Variants in GPC5 observed in about 807,000 individuals in gnomAD.
GPC5 encodes glypican-5.
Under a neutral mutation model 53.9 loss-of-function variants are expected in GPC5, and 47 were observed. The observed-to-expected ratio is 0.87, with a 90% CI of 0.69 to 1.11. The LOEUF (loss-of-function observed/expected upper bound fraction) is 1.11. GPC5 is among the 50% of genes most tolerant of loss of function. GPC5 has a pLI of 0.00. For missense variants in GPC5, 748 were observed against 713.1 expected, an observed-to-expected ratio of 1.05 and a Z score of -0.56; for synonymous variants, 286 against 263.3, an observed-to-expected ratio of 1.09 and a Z score of -0.84.
chr13:91,476,248 C>T (rs983055319), intron 2 of GPC5, among the ~76,000 whole-genome samples: 4 of 152,136 alleles, frequency 2.6e-5, no homozygotes, highest in African/African-American at 9.7e-5. Flanking sequence ...TGCTAAATGT[C>T]CCCCCAGGGA....
intron 3 of GPC5, among the ~76,000 whole-genome samples, chr13:91,705,990 C>T (rs561534661): frequency 2.0e-4 from 30 of 150,428 alleles, no homozygotes; most frequent in African/African-American, 7.4e-4. Flanking sequence ...AAGCGATTCT[C>T]CTGCCTCAAC....
intron 7 of GPC5, among the ~76,000 whole-genome samples, chr13:92,474,006 G>A (rs1451279174): frequency 3.3e-5 from 5 of 152,152 alleles, no homozygotes; most frequent in African/African-American, 7.2e-5. Flanking sequence ...GCTGAGATTA[G>A]ATGTTGAGGT....
At chr13:92,559,413 T>C (rs1288400039) in intron 7 of GPC5, among the ~76,000 whole-genome samples, 2 of 151,172 alleles carry the variant, frequency 1.3e-5, no homozygotes, top group African/African-American at 4.9e-5. Flanking sequence ...CATACTATGA[T>C]GTTTTCACGT....
chr13:91,804,086 AG>A (rs1418847088), intron 5 of GPC5, among the ~76,000 whole-genome samples: 1 of 152,220 alleles, frequency 6.6e-6, no homozygotes, highest in Non-Finnish European at 1.5e-5. Flanking sequence ...AGAGAGATGA[AG>A]ATCTCATTGA....
chr13:92,122,273 C>A (rs1366335210), intron 6 of GPC5, among the ~76,000 whole-genome samples: 1 of 118,046 alleles, frequency 8.5e-6, no homozygotes, highest in Non-Finnish European at 1.8e-5. Context: ...TAAAACACAG[C>A]GCTTTTTTTT....
intron 2 of GPC5, among the ~76,000 whole-genome samples, chr13:91,654,658 A>G (rs997542059): frequency 1.3e-5 from 2 of 152,186 alleles, no homozygotes; most frequent in African/African-American, 4.8e-5. Flanking sequence ...TAATGTTTCT[A>G]CGGTAACAAT....
intron 7 of GPC5, among the ~76,000 whole-genome samples, chr13:92,545,506 C>T (rs1882079602): frequency 6.6e-6 from 1 of 152,172 alleles, no homozygotes; most frequent in South Asian, 2.1e-4. Context: ...CTGACTTCCA[C>T]AATGGTTGAA....
At chr13:91,807,121 C>A (rs769184275) in intron 5 of GPC5, among the ~76,000 whole-genome samples, 2 of 152,126 alleles carry the variant, frequency 1.3e-5, no homozygotes, top group African/African-American at 2.4e-5. Flanking sequence ...TACTCCCAAC[C>A]AGATTAATCA....
chr13:92,460,682 A>G (rs932836785), intron 7 of GPC5, among the ~76,000 whole-genome samples: 1 of 152,190 alleles, frequency 6.6e-6, no homozygotes, highest in Non-Finnish European at 1.5e-5. Context: ...GAAATGTGCT[A>G]TCAGGAAGGT....
intron 7 of GPC5, among the ~76,000 whole-genome samples, chr13:92,260,769 T>A (rs540549191): frequency 1.3e-5 from 2 of 152,202 alleles, no homozygotes; most frequent in African/African-American, 2.4e-5. Context: ...GTAGAAAGAC[T>A]GATAAAACAT....
chr13:92,373,829 A>C (rs548246254), intron 7 of GPC5, among the ~76,000 whole-genome samples: 45 of 152,190 alleles, frequency 3.0e-4, no homozygotes, highest in Non-Finnish European at 5.1e-4. Flanking sequence ...TGCCACAACT[A>C]TCCAAGGTCA....
chr13:91,916,270 C>T lies in GPC5; in HGVS notation c.1401+8213C>T, dbSNP rs182320579. On this transcript the variant is annotated intron_variant, in intron 6 of 7. Coordinates refer to ENST00000377067, the MANE Select transcript of GPC5 (RefSeq NM_004466.6). Reference sequence around the variant, plus strand: ...TCCTCAAAATGTTAACCATTATGACCCAGCAATTCCGTATCTAGGTATATA... The same window carrying T: ...TCCTCAAAATGTTAACCATTATGACTCAGCAATTCCGTATCTAGGTATATA... 1.0e-3 allele frequency among the ~76,000 whole-genome samples: 154 copies of T among 152,154 alleles called. 1 individual carries two copies. Among genetic ancestry groups the T allele is most frequent in the African/African-American group, 3.5e-3 (144 of 41,514 alleles).
At chr13:92,501,738 G>A (rs542510729) in intron 7 of GPC5, among the ~76,000 whole-genome samples, 39 of 152,152 alleles carry the variant, frequency 2.6e-4, no homozygotes, top group African/African-American at 8.7e-4. Flanking sequence ...ACATGGAGAC[G>A]TTCTGTTAAA....
chr13:91,508,398 T>C (rs1027668949), intron 2 of GPC5, among the ~76,000 whole-genome samples: 1 of 152,208 alleles, frequency 6.6e-6, no homozygotes, highest in Admixed American at 6.5e-5. Context: ...GTGGCAATTA[T>C]GGCTTATATA....
intron 2 of GPC5, among the ~76,000 whole-genome samples, chr13:91,680,174 C>T (rs574175471): frequency 4.6e-5 from 7 of 152,240 alleles, no homozygotes; most frequent in African/African-American, 9.6e-5. Context: ...GATGAGGCCA[C>T]GCACAGTGGC....
chr13:91,861,996 A>T (rs2138913653), intron 5 of GPC5, among the ~76,000 whole-genome samples: 1 of 151,790 alleles, frequency 6.6e-6, no homozygotes, highest in Middle Eastern at 3.4e-3. Flanking sequence ...TTTAGTATAA[A>T]TTTTTCTATG....
rs906990144 is a variant in GPC5 at position 91,482,243 on chromosome 13, A to G, written c.325+33321A>G. ...GGAGTGGATTTGCTCTCTCTCTCTC[A>G]CTCGTCTGTTTATGCGAGGAACAGT... is the stretch of plus-strand genomic sequence containing the variant. On this transcript the variant is annotated intron_variant, in intron 2 of 7. Coordinates refer to ENST00000377067, the MANE Select transcript of GPC5 (RefSeq NM_004466.6). 2.0e-5 allele frequency among the ~76,000 whole-genome samples: 3 copies of G among 151,988 alleles called. No homozygotes were observed. The South Asian group carries it at 6.2e-4, about 32-fold the overall frequency.
chr13:92,282,520 G>T (rs912661090), intron 7 of GPC5, among the ~76,000 whole-genome samples: 1 of 152,092 alleles, frequency 6.6e-6, no homozygotes, highest in Non-Finnish European at 1.5e-5. Context: ...ACCCACAAAG[G>T]GAACCTCAAC....
At chr13:92,290,840 T>A (rs1225228126) in intron 7 of GPC5, among the ~76,000 whole-genome samples, 1 of 152,146 alleles carries the variant, frequency 6.6e-6, no homozygotes, top group Admixed American at 6.5e-5. Context: ...CCTTTTTGGG[T>A]TGGCCAGGGC....
Sources: gnomAD v4.1 joint callset for allele counts (sites outside exome capture counted in the v4.1 genomes callset) on GRCh38, gnomAD v4.1.1 for gene constraint, MANE v1.5 for transcripts, NCBI Gene and HGNC (gene_info 2026-07-23, HGNC 2026-07-21) for gene names.